Variants in SCAMP1 observed in about 807,000 individuals in gnomAD.
SCAMP1 encodes the protein secretory carrier membrane protein 1, also known as secretory carrier-associated membrane protein 1.
SCAMP1 carries 15 observed loss-of-function variants against 41.8 expected under a neutral mutation model. The ratio of observed to expected loss-of-function variants is 0.36; its 90% CI spans 0.24 to 0.55. SCAMP1 has a LOEUF of 0.55. Among genes scored for constraint, SCAMP1 ranks in the 20% least tolerant of loss-of-function variants. SCAMP1 has a pLI of 0.86. For missense variants in SCAMP1, 341 were observed against 412.6 expected (o/e 0.83, Z 1.50); for synonymous variants, 135 against 136.8 (o/e 0.99, Z 0.09).
At chr5:78,428,583 A>C (rs1443602410) in intron 6 of SCAMP1, among the ~76,000 whole-genome samples, 1 of 152,114 alleles carries the variant, frequency 6.6e-6, no homozygotes, top group Non-Finnish European at 1.5e-5. Flanking sequence ...TGTTTTGGCT[A>C]TTCAGAGTCC....
chr5:78,447,641 ACTC>A (rs1287641326), intron 6 of SCAMP1, among the ~76,000 whole-genome samples: 1 of 151,866 alleles, frequency 6.6e-6, no homozygotes, highest in African/African-American at 2.4e-5. Flanking sequence ...AAAATAGAAA[ACTC>A]CTAGAAAAAA....
At chr5:78,453,799 T>G (rs1580708368) in intron 7 of SCAMP1, among the ~76,000 whole-genome samples, 1 of 152,204 alleles carries the variant, frequency 6.6e-6, no homozygotes, top group Non-Finnish European at 1.5e-5. Flanking sequence ...TTCACGATAT[T>G]GATTCTTCCT....
At chr5:78,373,107 C>G (rs1258567330) in intron 1 of SCAMP1, among the ~76,000 whole-genome samples, 1 of 152,114 alleles carries the variant, frequency 6.6e-6, no homozygotes, top group East Asian at 1.9e-4. Flanking sequence ...CTTCTCCCCT[C>G]TGCTAGTGGA....
chr5:78,439,138 A>T (rs756562360), intron 6 of SCAMP1, among the ~76,000 whole-genome samples: 3 of 152,202 alleles, frequency 2.0e-5, no homozygotes, highest in African/African-American at 7.2e-5. Context: ...TCCTGAATAC[A>T]GCACCCTGAT....
chr5:78,470,446 C>A (rs1753859128), intron 8 of SCAMP1, among the ~76,000 whole-genome samples: 1 of 152,132 alleles, frequency 6.6e-6, no homozygotes, highest in Non-Finnish European at 1.5e-5. Context: ...TGGCTTCTTT[C>A]ATTACCATAA....
chr5:78,457,501 G>C (rs543354182), intron 7 of SCAMP1, among the ~76,000 whole-genome samples: 17 of 152,272 alleles, frequency 1.1e-4, no homozygotes, highest in South Asian at 8.3e-4. Context: ...CTGCTCGGGG[G>C]TCAGGGGTCA....
chr5:78,412,375 CTT>C (rs1752101192), intron 2 of SCAMP1, among the ~76,000 whole-genome samples: 1 of 150,840 alleles, frequency 6.6e-6, no homozygotes, highest in Non-Finnish European at 1.5e-5. Context: ...TGTTTTTTGT[CTT>C]GTTTTGTTTT....
intron 6 of SCAMP1, among the ~76,000 whole-genome samples, chr5:78,426,576 G>A (rs1437615705): frequency 3.3e-5 from 5 of 152,070 alleles, no homozygotes; most frequent in Admixed American, 3.3e-4. Context: ...CTGCATAAAT[G>A]TCTTTTGAAA....
At chr5:78,443,635 G>A in intron 6 of SCAMP1, among the ~76,000 whole-genome samples, 1 of 138,158 alleles carries the variant, frequency 7.2e-6, no homozygotes, top group South Asian at 2.4e-4. Flanking sequence ...TTTTTAGCCA[G>A]ACTAGTGAGT....
chr5:78,396,205 T>C (rs925996834), intron 2 of SCAMP1, among the ~76,000 whole-genome samples: 13 of 152,142 alleles, frequency 8.5e-5, no homozygotes, highest in South Asian at 2.1e-4. Context: ...TCCAAACCCA[T>C]AGAATGTACA....
At chr5:78,445,169 T>G (rs1753023790) in intron 6 of SCAMP1, among the ~76,000 whole-genome samples, 3 of 152,244 alleles carry the variant, frequency 2.0e-5, no homozygotes, top group Admixed American at 2.0e-4. Context: ...AAATAAACTT[T>G]ACAAGATCAA....
At chr5:78,402,978 A>T (rs972424018) in intron 2 of SCAMP1, among the ~76,000 whole-genome samples, 2 of 152,096 alleles carry the variant, frequency 1.3e-5, no homozygotes, top group Non-Finnish European at 2.9e-5. Context: ...TTCCAGGTTC[A>T]AGCTGTTTCA....
rs1281413035 is a variant in SCAMP1, at chr5:78,480,432, T to C, written c.*4764T>C. On this transcript the variant is annotated 3_prime_UTR_variant, in exon 9 of 9. Transcript: ENST00000621999. ...TAATTCTAGAATTCCTCCACAACTTTTAATATTTTGTATGCCAGTGATTCT... is the reference window on the plus strand; with the variant it reads ...TAATTCTAGAATTCCTCCACAACTTCTAATATTTTGTATGCCAGTGATTCT... Among the ~76,000 whole-genome samples, 3 of 152,252 alleles carry C rather than the reference T, an allele frequency of 2.0e-5. No individual in the cohort carries two copies. Among genetic ancestry groups the C allele is most frequent in the Non-Finnish European group, 4.4e-5 (3 of 68,042 alleles).
At chr5:78,461,153 G>C (rs943658699) in intron 8 of SCAMP1, among the ~76,000 whole-genome samples, 1 of 152,042 alleles carries the variant, frequency 6.6e-6, no homozygotes, top group Non-Finnish European at 1.5e-5. Context: ...AGCCTGTTTA[G>C]TGTTTCTTTT....
At chr5:78,429,747 A>G (rs1752556953) in intron 6 of SCAMP1, among the ~76,000 whole-genome samples, 1 of 152,040 alleles carries the variant, frequency 6.6e-6, no homozygotes, top group South Asian at 2.1e-4. Context: ...AGAATACTGA[A>G]ATGGTTATTT....
chr5:78,394,376 A>G (rs1751594191), intron 2 of SCAMP1, among the ~76,000 whole-genome samples: 1 of 151,934 alleles, frequency 6.6e-6, no homozygotes, highest in Admixed American at 6.5e-5. Context: ...AGGGAGGAAA[A>G]TGTTGAGTTA....
intron 8 of SCAMP1, among the ~76,000 whole-genome samples, chr5:78,472,111 C>T (rs935579300): frequency 6.6e-6 from 1 of 151,952 alleles, no homozygotes; most frequent in African/African-American, 2.4e-5. Flanking sequence ...AGGTCACATA[C>T]ACAGTGAGAT....
At chr5:78,364,751 G>T (rs558915252) in intron 1 of SCAMP1, among the ~76,000 whole-genome samples, 3 of 152,218 alleles carry the variant, frequency 2.0e-5, no homozygotes, top group Non-Finnish European at 4.4e-5. Flanking sequence ...CTAACTGGTT[G>T]TGAGACCTTG....
At chr5:78,370,014 G>GT (rs769346034) in intron 1 of SCAMP1, among the ~76,000 whole-genome samples, 97 of 152,300 alleles carry the variant, frequency 6.4e-4, no homozygotes, top group Non-Finnish European at 1.2e-3. Context: ...CATTAGAGGT[G>GT]TTTTTTAACT....
Sources: gnomAD v4.1 joint callset for allele counts (sites outside exome capture counted in the v4.1 genomes callset) on GRCh38, gnomAD v4.1.1 for gene constraint, MANE v1.5 for transcripts, NCBI Gene and HGNC (gene_info 2026-07-23, HGNC 2026-07-21) for gene names.